The following CADM2 variants were observed in gnomAD, a reference collection of about 807,000 sequenced individuals.
CADM2 encodes cell adhesion molecule 2, also known as immunoglobulin superfamily member 4D.
Under a neutral mutation model 49.8 loss-of-function variants are expected in CADM2, and 12 were observed. The observed-to-expected ratio is 0.24, with a 90% CI of 0.15 to 0.39. The LOEUF is 0.39. Among genes scored for constraint, CADM2 ranks in the 10% least tolerant of loss-of-function variants. CADM2 has a pLI of 1.00. For synonymous variants in CADM2, 214 were observed against 175.4 expected (o/e 1.22, Z -1.74); for missense variants, 378 against 492.3 (o/e 0.77, Z 2.20).
intron 1 of CADM2, among the ~76,000 whole-genome samples, chr3:85,156,308 T>C (rs149933033): frequency 0.18 from 26,555 of 151,282 alleles, 4,399 homozygotes; most frequent in African/African-American, 0.44. Flanking sequence ...ACCGATCCCA[T>C]AGAAATACAA....
At chr3:85,788,566 G>A (rs2071140044) in intron 2 of CADM2, among the ~76,000 whole-genome samples, 3 of 151,904 alleles carry the variant, frequency 2.0e-5, no homozygotes, top group African/African-American at 7.2e-5. Context: ...TGCTTCCAGA[G>A]TATGCATATA....
intron 3 of CADM2, among the ~76,000 whole-genome samples, chr3:85,875,723 G>A (rs976057494): frequency 2.0e-5 from 3 of 152,172 alleles, no homozygotes; most frequent in African/African-American, 7.2e-5. Flanking sequence ...AGCAGAGTAA[G>A]CAATTAGCAC....
chr3:85,351,954 A>G (rs1202321450), intron 1 of CADM2, among the ~76,000 whole-genome samples: 1 of 152,118 alleles, frequency 6.6e-6, no homozygotes, highest in Non-Finnish European at 1.5e-5. Flanking sequence ...ATATTTCCAC[A>G]TGCAACACAC....
chr3:85,115,047 A>G (rs1219881984), intron 1 of CADM2, among the ~76,000 whole-genome samples: 1 of 152,190 alleles, frequency 6.6e-6, no homozygotes, highest in Non-Finnish European at 1.5e-5. Flanking sequence ...TATTTCATTT[A>G]TATCTACCTG....
At chr3:85,761,740 A>T (rs2069392086) in intron 2 of CADM2, among the ~76,000 whole-genome samples, 1 of 152,178 alleles carries the variant, frequency 6.6e-6, no homozygotes, top group African/African-American at 2.4e-5. Context: ...AACCATTGGG[A>T]AAAGAGATGA....
rs773222378 is a variant in CADM2 at position 85,534,222 on chromosome 3, A to T, written c.62-192300A>T. On this transcript the variant is annotated intron_variant, in intron 1 of 9. Coordinates refer to ENST00000383699, the MANE Select transcript of CADM2 (RefSeq NM_001167675.2). ...TTCTTGGAATGTTAATGTTTCCCTT[A>T]ACTCTTGCCATTTACTTATTGCTGT... Among the ~76,000 whole-genome samples the T allele has an allele frequency of 5.3e-5, 8 of 152,164 alleles. 1 individual carries two copies. The highest frequency in any genetic ancestry group is 1.0e-4 in the Non-Finnish European group (7 of 68,012).
chr3:85,268,042 T>C (rs1402191180), intron 1 of CADM2, among the ~76,000 whole-genome samples: 1 of 151,468 alleles, frequency 6.6e-6, no homozygotes, highest in African/African-American at 2.4e-5. Flanking sequence ...CTTACAAAAA[T>C]ATGAACTTAC....
intron 1 of CADM2, among the ~76,000 whole-genome samples, chr3:85,016,264 TAG>T (rs2034243819): frequency 6.6e-6 from 1 of 152,064 alleles, no homozygotes; most frequent in Non-Finnish European, 1.5e-5. Context: ...AAGAAACATG[TAG>T]AGGCACTAAT....
rs190076173 is a variant in CADM2, at chr3:85,888,267, C to A, written c.529+1940C>A. Among the ~76,000 whole-genome samples, 247 of 152,242 alleles carry A rather than the reference C, an allele frequency of 1.6e-3. 2 individuals are homozygous for A. Among genetic ancestry groups the A allele is most frequent in the Non-Finnish European group, 1.8e-3 (120 of 68,010 alleles). Reference sequence around the variant, plus strand: ...TGTTTTTCACATTGTAGCTGCATGACAAACCCATGATATACTCAGACATTT... The same window carrying A: ...TGTTTTTCACATTGTAGCTGCATGAAAAACCCATGATATACTCAGACATTT... On this transcript the variant is annotated intron_variant, in intron 5 of 9. Transcript: ENST00000383699.
In CADM2 at chr3:85,580,490, G is replaced by A. The variant is rs377312545; in HGVS notation, c.62-146032G>A. On this transcript the variant is annotated intron_variant, in intron 1 of 9. Coordinates refer to ENST00000383699, the MANE Select transcript of CADM2 (RefSeq NM_001167675.2). ...AGAACTAACCCAACGGTATTGGAAT[G>A]AAAGGGTGATGCGGGTGGTAAAGGT... Among the ~76,000 whole-genome samples the A allele has an allele frequency of 2.0e-5, 3 of 152,138 alleles. No individual in the cohort carries two copies. The East Asian group carries it at 5.8e-4, about 29-fold the overall frequency.
chr3:85,782,025 A>C (rs377266390), intron 2 of CADM2, among the ~76,000 whole-genome samples: 3 of 152,236 alleles, frequency 2.0e-5, no homozygotes, highest in African/African-American at 7.2e-5. Context: ...TTTCCAAAGT[A>C]ATCATGGAAA....
intron 1 of CADM2, among the ~76,000 whole-genome samples, chr3:85,490,598 A>T (rs2039630951): frequency 6.6e-6 from 1 of 152,032 alleles, no homozygotes; most frequent in African/African-American, 2.4e-5. Flanking sequence ...AAAAACAAAA[A>T]ATCCAAAATC....
At chr3:85,523,249 T>C (rs2061071692) in intron 1 of CADM2, among the ~76,000 whole-genome samples, 1 of 152,082 alleles carries the variant, frequency 6.6e-6, no homozygotes, top group Non-Finnish European at 1.5e-5. Flanking sequence ...CACATTTCTG[T>C]TTCAAATCTA....
chr3:85,567,862 C>T (rs1272584621), intron 1 of CADM2, among the ~76,000 whole-genome samples: 1 of 152,148 alleles, frequency 6.6e-6, no homozygotes, highest in Non-Finnish European at 1.5e-5. Context: ...TGAGAACCCA[C>T]GGAGCTGCTG....
At chr3:85,179,432 T>C (rs1671753816) in intron 1 of CADM2, among the ~76,000 whole-genome samples, 2 of 151,800 alleles carry the variant, frequency 1.3e-5, no homozygotes, top group African/African-American at 4.8e-5. Flanking sequence ...TTTAAAGGGG[T>C]TTTTGGTTTT....
intron 1 of CADM2, among the ~76,000 whole-genome samples, chr3:85,352,456 T>C (rs1391500984): frequency 6.6e-6 from 1 of 152,168 alleles, no homozygotes; most frequent in East Asian, 1.9e-4. Context: ...TATTTTATGA[T>C]TATCACATTG....
chr3:85,968,546 C>T (rs1467027823), intron 8 of CADM2, among the ~76,000 whole-genome samples: 1 of 151,440 alleles, frequency 6.6e-6, no homozygotes. Context: ...AGGAAAAAAC[C>T]GTCATTCCTG....
At chr3:85,557,695 G>C (rs114922552) in intron 1 of CADM2, among the ~76,000 whole-genome samples, 7 of 151,822 alleles carry the variant, frequency 4.6e-5, no homozygotes, top group African/African-American at 1.7e-4. Flanking sequence ...ATTTTGTTGC[G>C]GAAAAGCCAA....
chr3:85,541,697 AAAT>A (rs1349157737), intron 1 of CADM2, among the ~76,000 whole-genome samples: 1 of 143,802 alleles, frequency 7.0e-6, no homozygotes, highest in Non-Finnish European at 1.5e-5. Context: ...TGAGGGAATT[AAAT>A]TATATATATA....
Sources: gnomAD v4.1 joint callset for allele counts (sites outside exome capture counted in the v4.1 genomes callset) on GRCh38, gnomAD v4.1.1 for gene constraint, MANE v1.5 for transcripts, NCBI Gene and HGNC (gene_info 2026-07-23, HGNC 2026-07-21) for gene names.